Variants in DDAH1 observed in about 807,000 individuals in gnomAD.
DDAH1 encodes the protein N(G),N(G)-dimethylarginine dimethylaminohydrolase 1.
In DDAH1, 19 loss-of-function variants were observed where a neutral mutation model predicts 28.8. That is an observed-to-expected ratio of 0.66 (90% confidence interval 0.46 to 0.97). The LOEUF (loss-of-function observed/expected upper bound fraction) is 0.97. Among genes scored for constraint, DDAH1 ranks in the 50% least tolerant of loss-of-function variants. DDAH1 has a pLI of 0.00. For missense variants in DDAH1, 326 were observed against 375.9 expected (o/e 0.87, Z 1.10); for synonymous variants, 153 against 154.4 (o/e 0.99, Z 0.07).
intron 2 of DDAH1, among the ~76,000 whole-genome samples, chr1:85,473,901 T>C (rs558433027): frequency 2.2e-4 from 33 of 152,308 alleles, no homozygotes; most frequent in African/African-American, 7.7e-4. Flanking sequence ...AGTGCCAACA[T>C]GGCTCAAACT....
intron 1 of DDAH1, among the ~76,000 whole-genome samples, chr1:85,372,673 T>C (rs1296471074): frequency 6.6e-6 from 1 of 152,222 alleles, no homozygotes; most frequent in East Asian, 1.9e-4. Flanking sequence ...GGAATAACCA[T>C]TAGGAATATA....
At chr1:85,498,085 A>T (rs1345671282) in intron 1 of DDAH1, among the ~76,000 whole-genome samples, 1 of 152,224 alleles carries the variant, frequency 6.6e-6, no homozygotes, top group Non-Finnish European at 1.5e-5. Flanking sequence ...TTTAAAATAC[A>T]GTCTTAAAGT....
At position 85,321,273 on chromosome 1, in the gene DDAH1, C is replaced by T; in HGVS notation, c.*179G>A. On this transcript the variant is annotated 3_prime_UTR_variant, in exon 6 of 6. Coordinates refer to ENST00000284031, the MANE Select transcript of DDAH1 (RefSeq NM_012137.4). Reference sequence around the variant, plus strand: ...AGCAAATCCACAGCTTAGGTACCACCTCGAGGGGAGGGAGGGTGGGGGTGT... The same window carrying T: ...AGCAAATCCACAGCTTAGGTACCACTTCGAGGGGAGGGAGGGTGGGGGTGT... 1 of 553,748 alleles carries T rather than the reference C, an allele frequency of 1.8e-6. No individual in the cohort carries two copies. Among genetic ancestry groups the T allele is most frequent in the South Asian group, 2.5e-5 (1 of 40,212 alleles). The allele number at this position is 553,748 out of a possible 1,614,324, so 34.3% of individuals were successfully genotyped here.
chr1:85,482,654 A>C (rs1656048955), intron 2 of DDAH1: 1 of 152,220 alleles, frequency 6.6e-6, no homozygotes. Flanking sequence ...CATATACATC[A>C]ACCATTCTTT....
chr1:85,391,338 A>G (rs2100554970), intron 1 of DDAH1, among the ~76,000 whole-genome samples: 1 of 152,322 alleles, frequency 6.6e-6, no homozygotes, highest in Non-Finnish European at 1.5e-5. Flanking sequence ...GTAGTGGCAC[A>G]TGCCTATAAC....
intron 2 of DDAH1, among the ~76,000 whole-genome samples, chr1:85,477,776 A>C (rs924058950): frequency 6.6e-6 from 1 of 152,010 alleles, no homozygotes; most frequent in Non-Finnish European, 1.5e-5. Flanking sequence ...CTACGTACTA[A>C]ATTTTTCAGG....
intron 1 of DDAH1, among the ~76,000 whole-genome samples, chr1:85,513,637 A>T (rs1657330966): frequency 6.6e-6 from 1 of 152,170 alleles, no homozygotes. Context: ...TCTGTGATGA[A>T]CTCAAACAAA....
At chr1:85,474,430 A>C (rs1002891307) in intron 2 of DDAH1, among the ~76,000 whole-genome samples, 8 of 151,888 alleles carry the variant, frequency 5.3e-5, no homozygotes, top group African/African-American at 1.7e-4. Flanking sequence ...CCTCATTCTG[A>C]TCTCATCCCT....
intron 1 of DDAH1, among the ~76,000 whole-genome samples, chr1:85,376,584 G>C (rs777267428): frequency 3.3e-5 from 5 of 151,766 alleles, no homozygotes; most frequent in African/African-American, 4.8e-5. Flanking sequence ...CTTTTCACAG[G>C]GTAACTTGTT....
At chr1:85,472,109 AC>A (rs1042255064) in intron 2 of DDAH1, among the ~76,000 whole-genome samples, 2 of 152,170 alleles carry the variant, frequency 1.3e-5, no homozygotes, top group African/African-American at 4.8e-5. Context: ...TATTACTCCA[AC>A]TTTCCTTCTG....
Position 85,421,120 on chromosome 1 carries a change from G to A in DDAH1, c.303+43623C>T, listed in dbSNP as rs115701674. ...ATTGTGAGGACAGCACCAAGGAGAT[G>A]GTGCTAAACCATTCATGGGAAAATT... is the stretch of plus-strand genomic sequence containing the variant. On this transcript the variant is annotated intron_variant, in intron 1 of 5. Transcript: ENST00000284031. Among the ~76,000 whole-genome samples the A allele has an allele frequency of 6.9e-3, 1,052 of 152,228 alleles. 12 individuals carry two copies. Among genetic ancestry groups the A allele is most frequent in the African/African-American group, 0.024 (1,003 of 41,534 alleles).
At chr1:85,488,177 C>G (rs1570601144) in intron 2 of DDAH1, 1 of 152,094 alleles carries the variant, frequency 6.6e-6, no homozygotes, top group African/African-American at 2.4e-5. Context: ...GAACAAGACT[C>G]TGTCTCAAAA....
At chr1:85,398,275 T>TG (rs1651901523) in intron 1 of DDAH1, among the ~76,000 whole-genome samples, 1 of 152,230 alleles carries the variant, frequency 6.6e-6, no homozygotes, top group Non-Finnish European at 1.5e-5. Context: ...ATTCTTGCTG[T>TG]ACTTATATAC....
chr1:85,333,700 G>T (rs1175212752), intron 4 of DDAH1, among the ~76,000 whole-genome samples: 1 of 151,606 alleles, frequency 6.6e-6, no homozygotes, highest in Non-Finnish European at 1.5e-5. Flanking sequence ...AATGCAATGA[G>T]AACTTCAACA....
At chr1:85,420,420 A>G (rs1653087977) in intron 1 of DDAH1, among the ~76,000 whole-genome samples, 1 of 152,220 alleles carries the variant, frequency 6.6e-6, no homozygotes, top group African/African-American at 2.4e-5. Flanking sequence ...GCATATGAGC[A>G]TAGGCTGTTA....
At chr1:85,482,949 G>C (rs1246659489) in intron 2 of DDAH1, among the ~76,000 whole-genome samples, 5 of 152,164 alleles carry the variant, frequency 3.3e-5, no homozygotes, top group Admixed American at 6.5e-5. Context: ...TTTTGGCCGG[G>C]CATGGTGGCT....
At chr1:85,527,320 A>T (rs1657906789) in intron 1 of DDAH1, among the ~76,000 whole-genome samples, 1 of 148,796 alleles carries the variant, frequency 6.7e-6, no homozygotes, top group African/African-American at 2.4e-5. Flanking sequence ...AGGCTTGTGC[A>T]GCGGTCTGGT....
intron 1 of DDAH1, among the ~76,000 whole-genome samples, chr1:85,573,510 CTG>C: frequency 6.6e-6 from 1 of 152,276 alleles, no homozygotes; most frequent in Middle Eastern, 3.4e-3. Context: ...TAAAATGTTT[CTG>C]TGTTATCACA....
At chr1:85,550,353 G>C (rs1658750035) in intron 1 of DDAH1, among the ~76,000 whole-genome samples, 1 of 152,226 alleles carries the variant, frequency 6.6e-6, no homozygotes, top group South Asian at 2.1e-4. Context: ...CTGGTCAATG[G>C]AGCAGCGGTA....
Sources: allele counts gnomAD v4.1 joint callset (sites outside exome capture counted in the v4.1 genomes callset), GRCh38; gene constraint gnomAD v4.1.1; transcripts MANE v1.5; gene names NCBI Gene and HGNC (gene_info 2026-07-23, HGNC 2026-07-21).